The following AHCTF1 variants were observed in gnomAD, a reference collection of about 807,000 sequenced individuals.
The protein encoded by AHCTF1 is AT-hook containing transcription factor 1.
AHCTF1 carries 24 observed loss-of-function variants against 248.4 expected under a neutral mutation model. That is an observed-to-expected ratio of 0.10 (90% CI 0.07 to 0.14). The LOEUF is 0.14. Ranked by LOEUF, AHCTF1 falls within the 10% of genes least tolerant of loss-of-function variation. AHCTF1 has a pLI of 1.00. For missense variants in AHCTF1, 2,206 were observed against 2,636.2 expected (o/e 0.84, Z 3.57); for synonymous variants, 786 against 929.8 (o/e 0.85, Z 2.81).
intron 20 of AHCTF1, 41 bp from the exon 21 acceptor site, chr1:246,885,721 T>C (rs565510367): frequency 1.3e-6 from 2 of 1,530,092 alleles, no homozygotes; most frequent in Non-Finnish European, 1.8e-6. Flanking sequence ...AATATAATCC[T>C]ATACATTTAG....
At position 246,901,572 on chromosome 1, in the gene AHCTF1, T is replaced by C. The variant is rs144381131; in HGVS notation, c.1117+953A>G. Among the ~76,000 whole-genome samples, 476 of 151,976 alleles carry C rather than the reference T, an allele frequency of 3.1e-3. 4 individuals carry two copies. The highest frequency in any genetic ancestry group is 0.011 in the African/African-American group (461 of 41,436). On this transcript the variant is annotated intron_variant, in intron 8 of 35. Coordinates refer to ENST00000648844, the MANE Select transcript of AHCTF1 (RefSeq NM_001323342.2). ...CCCGGAGGCGGAGCTTGCAGTGAGC[T>C]GAGATCGTGCAACTGCACTGGACAG...
Position 246,840,685 on chromosome 1 carries a change from C to G in AHCTF1, c.*121G>C. 1 of 767,528 alleles carries G rather than the reference C, an allele frequency of 1.3e-6. No individual in the cohort carries two copies. The allele number at this position is 767,528 out of a possible 1,614,324, so 47.5% of individuals were successfully genotyped here. On this transcript the variant is annotated 3_prime_UTR_variant, in exon 36 of 36. Coordinates refer to ENST00000648844, the MANE Select transcript of AHCTF1 (RefSeq NM_001323342.2). ...AGTTACTTTACTTATTGAAGACCTT[C>G]TGTTTACATAAAAATTTACAATAAT...
At position 246,863,845 on chromosome 1, in the gene AHCTF1, T is replaced by C. The variant is rs187955343; in HGVS notation, c.3540+79A>G. On this transcript the variant is annotated intron_variant, in intron 27 of 35. Coordinates refer to ENST00000648844, the MANE Select transcript of AHCTF1 (RefSeq NM_001323342.2). Reference sequence around the variant, plus strand: ...ACTCCCCAAGCGTATCAGTTATAAATTGCTTATTTTTCTCCTTGCTACTTG... The same window carrying C: ...ACTCCCCAAGCGTATCAGTTATAAACTGCTTATTTTTCTCCTTGCTACTTG... 1.3e-5 allele frequency: 18 copies of C among 1,409,558 alleles called. No individual in the cohort carries two copies. In the African/African-American group the frequency reaches 1.4e-4, roughly 11 times the overall value. The allele number at this position is 1,409,558 out of a possible 1,614,324, so 87.3% of individuals were successfully genotyped here.
intron 15 of AHCTF1, among the ~76,000 whole-genome samples, chr1:246,891,279 ATAAG>A (rs1388034217): frequency 6.6e-6 from 1 of 152,326 alleles, no homozygotes; most frequent in East Asian, 1.9e-4. Context: ...AAATGCTAAA[ATAAG>A]TAAGTCACTC....
At chr1:246,867,984 G>T (rs1215942048) in intron 24 of AHCTF1, among the ~76,000 whole-genome samples, 173 bp from the exon 25 acceptor site, 2 of 136,520 alleles carry the variant, frequency 1.5e-5, no homozygotes, top group Non-Finnish European at 3.0e-5. Flanking sequence ...TTTTCTTTTA[G>T]ACCAGTCTTG....
rs1659744039 is a variant in AHCTF1, at chr1:246,840,031, T to A, written c.*775A>T. 1 of 152,670 alleles carries A rather than the reference T, an allele frequency of 6.6e-6. No homozygotes were observed. The highest frequency in any genetic ancestry group is 1.9e-4 in the East Asian group (1 of 5,188). The allele number at this position is 152,670 out of a possible 1,614,324, so 9.5% of individuals were successfully genotyped here. A position where few individuals can be genotyped will look rare whatever the true frequency, so the allele number is the denominator to read the frequency against. On this transcript the variant is annotated 3_prime_UTR_variant, in exon 36 of 36. Transcript: ENST00000648844. ...GTTCAGACATCTCATCCTATCAATA[T>A]TAGGCACATACAAGATGCACTCAAT... is the stretch of plus-strand genomic sequence containing the variant.
chr1:246,925,151 A>C (rs1314302333), intron 1 of AHCTF1, among the ~76,000 whole-genome samples: 2 of 152,230 alleles, frequency 1.3e-5, no homozygotes, highest in Non-Finnish European at 2.9e-5. Context: ...AAACCAAAGT[A>C]AGTCAACCAG....
intron 34 of AHCTF1, among the ~76,000 whole-genome samples, chr1:246,843,529 C>G (rs1345751813): frequency 6.6e-6 from 1 of 152,144 alleles, no homozygotes; most frequent in Non-Finnish European, 1.5e-5. Context: ...AACCCTTCCA[C>G]AAACAGGTAA....
intron 10 of AHCTF1, among the ~76,000 whole-genome samples, chr1:246,899,825 A>G (rs1664868263): frequency 2.0e-5 from 3 of 152,102 alleles, no homozygotes; most frequent in South Asian, 4.1e-4. Flanking sequence ...CAAGTTCAAA[A>G]TAAGTCATAA....
chr1:246,867,935 C>A lies in AHCTF1; in HGVS notation c.3089-124G>T, dbSNP rs2800222. 10 of 287,888 alleles carry A rather than the reference C, an allele frequency of 3.5e-5. No individual in the cohort carries two copies. In the East Asian group the frequency reaches 7.5e-4, roughly 22 times the overall value. 17.8% of individuals were successfully genotyped at this position (287,888 alleles called of 1,614,324 possible). A position where few individuals can be genotyped will look rare whatever the true frequency, so the allele number is the denominator to read the frequency against. ...CACACACACACATTACGTGGTAATA[C>A]TAGCTAAAAATTTTAATTATATATA... On this transcript the variant is annotated intron_variant, in intron 24 of 35. Transcript: ENST00000648844.
At chr1:246,886,975 GTAAT>G (rs1047898047) in intron 20 of AHCTF1, among the ~76,000 whole-genome samples, 7 of 152,018 alleles carry the variant, frequency 4.6e-5, no homozygotes, top group African/African-American at 1.7e-4. Flanking sequence ...CTGAACTATC[GTAAT>G]TACTTACTTA....
intron 1 of AHCTF1, among the ~76,000 whole-genome samples, chr1:246,927,507 T>C (rs1667023575): frequency 6.6e-6 from 1 of 152,108 alleles, no homozygotes. Flanking sequence ...ACTATATTAT[T>C]AGAAAGAATA....
rs761898045 is a variant in AHCTF1, at chr1:246,851,048, T to C, written c.4958A>G (p.Lys1653Arg). The change falls in exon 33 of 36, where the codon AAA (lysine) becomes AGA (arginine). Residue 1653 changes from lysine to arginine, a missense_variant. Physicochemically the swap from Lys to Arg is conservative, Grantham distance 26. This residue lies in a region of AHCTF1 where 955 missense variants were observed against 1,055.6 expected (regional missense o/e 0.90). Coordinates refer to ENST00000648844, the MANE Select transcript of AHCTF1 (RefSeq NM_001323342.2). ...SAVTSDQKSQ[K>R]VDTLPYVPEP... Reference sequence around the variant, plus strand: ...AGGCACATATGGTAAAGTGTCTACTTTTTGGGACTTTTGGTCACTAGTTAC... The same window carrying C: ...AGGCACATATGGTAAAGTGTCTACTCTTTGGGACTTTTGGTCACTAGTTAC... The C allele has an allele frequency of 5.6e-6, 9 of 1,613,966 alleles. No homozygotes were observed. In the Admixed American group the frequency reaches 1.2e-4, roughly 21 times the overall value.
intron 1 of AHCTF1, among the ~76,000 whole-genome samples, chr1:246,926,089 C>A (rs894530104): frequency 1.3e-5 from 2 of 151,550 alleles, no homozygotes; most frequent in South Asian, 2.1e-4. Context: ...CCTCACTCCC[C>A]ACTCTCATCA....
At chr1:246,858,060 C>T (rs1274791188) in intron 29 of AHCTF1, among the ~76,000 whole-genome samples, 3 of 151,426 alleles carry the variant, frequency 2.0e-5, no homozygotes, top group East Asian at 3.9e-4. Flanking sequence ...CCCAGGTTCA[C>T]GCCATTCTCC....
At chr1:246,847,964 TA>T (rs918599709) in intron 33 of AHCTF1, among the ~76,000 whole-genome samples, 1 of 152,136 alleles carries the variant, frequency 6.6e-6, no homozygotes, top group African/African-American at 2.4e-5. Context: ...AAAATGAACT[TA>T]AAAAAAGTTG....
At chr1:246,888,614 CAAAG>C (rs1365051425) in intron 17 of AHCTF1, 97 bp from the exon 18 acceptor site, 10 of 1,414,888 alleles carry the variant, frequency 7.1e-6, no homozygotes, top group Non-Finnish European at 9.5e-6. Context: ...TCCCAACTAT[CAAAG>C]AGAGAAGAGG....
intron 1 of AHCTF1, among the ~76,000 whole-genome samples, chr1:246,922,237 G>A (rs932403777): frequency 6.6e-6 from 1 of 152,066 alleles, no homozygotes; most frequent in Non-Finnish European, 1.5e-5. Flanking sequence ...GTATGTGCCC[G>A]TAGTCCCAGC....
At chr1:246,854,025 C>T (rs992833076) in intron 31 of AHCTF1, among the ~76,000 whole-genome samples, 2 of 152,098 alleles carry the variant, frequency 1.3e-5, no homozygotes, top group Non-Finnish European at 1.5e-5. Flanking sequence ...TCTGGCTGGG[C>T]GCAGTGGCTC....
Sources: allele counts gnomAD v4.1 joint callset (sites outside exome capture counted in the v4.1 genomes callset), GRCh38; gene constraint gnomAD v4.1.1; regional missense constraint gnomAD v4.1.1; transcripts MANE v1.5; gene names NCBI Gene and HGNC (gene_info 2026-07-23, HGNC 2026-07-21).